The following RAI1 variants were observed in gnomAD, a reference collection of about 807,000 sequenced individuals.
RAI1 encodes retinoic acid-induced protein 1.
RAI1 carries 9 observed loss-of-function variants against 123.8 expected under a neutral mutation model. That is an observed-to-expected ratio of 0.07 (90% CI 0.04 to 0.13). The LOEUF (loss-of-function observed/expected upper bound fraction) is 0.13, where lower values mean the gene tolerates loss of function less well. RAI1 is among the 10% of genes least tolerant of loss of function. The pLI is 1.00. For synonymous variants in RAI1, 1,231 were observed against 1,127.3 expected (o/e 1.09, Z -1.84); for missense variants, 2,256 against 2,545.8 (o/e 0.89, Z 2.45).
chr17:17,721,534 A>G (rs1915880604), intron 1 of RAI1, among the ~76,000 whole-genome samples: 1 of 152,128 alleles, frequency 6.6e-6, no homozygotes, highest in South Asian at 2.1e-4. Flanking sequence ...ACAGGCTGGG[A>G]CTGAGGGCAG....
chr17:17,783,095 G>A (rs2031665843), intron 2 of RAI1, among the ~76,000 whole-genome samples: 1 of 130,448 alleles, frequency 7.7e-6, no homozygotes, highest in South Asian at 2.7e-4. Context: ...CGCGGTCCCC[G>A]CGCAGGCGAG....
chr17:17,804,393 C>T (rs2032556799), intron 4 of RAI1, among the ~76,000 whole-genome samples: 1 of 152,196 alleles, frequency 6.6e-6, no homozygotes, highest in South Asian at 2.1e-4. Context: ...GGTCCTTCCT[C>T]TCACTCATGT....
At chr17:17,709,921 C>T (rs991691146) in intron 1 of RAI1, among the ~76,000 whole-genome samples, 15 of 152,200 alleles carry the variant, frequency 9.9e-5, no homozygotes, top group African/African-American at 2.2e-4. Flanking sequence ...GACAGGCGTG[C>T]GCACATTCCT....
chr17:17,785,743 C>CTCGCCT (rs1258783013), intron 2 of RAI1, among the ~76,000 whole-genome samples: 3 of 152,166 alleles, frequency 2.0e-5, no homozygotes, highest in Non-Finnish European at 2.9e-5. Context: ...GCCCAGGGCA[C>CTCGCCT]TCGCCTTTCT....
intron 2 of RAI1, 84 bp downstream of exon 2, chr17:17,724,243 G>T (rs1436945262): frequency 1.3e-5 from 2 of 151,264 alleles, no homozygotes; most frequent in Non-Finnish European, 3.0e-5. Context: ...GCCGCCGCGC[G>T]CAGACCTGCC....
intron 1 of RAI1, among the ~76,000 whole-genome samples, chr17:17,709,670 G>T (rs577732231): frequency 4.6e-5 from 7 of 152,356 alleles, no homozygotes; most frequent in South Asian, 2.1e-4. Flanking sequence ...CCAAGGAGCT[G>T]CTGGGCCTCG....
At chr17:17,695,532 T>TC (rs66725320) in intron 1 of RAI1, among the ~76,000 whole-genome samples, 62 of 50,684 alleles carry the variant, frequency 1.2e-3, no homozygotes, top group Admixed American at 3.0e-3. Context: ...TCTCTCTCTC[T>TC]TTTTTTTTTT....
At chr17:17,739,537 G>A (rs1180248682) in intron 2 of RAI1, among the ~76,000 whole-genome samples, 1 of 152,236 alleles carries the variant, frequency 6.6e-6, no homozygotes, top group African/African-American at 2.4e-5. Flanking sequence ...TAAGGCCTGG[G>A]ATGCCTGCTG....
chr17:17,810,317 G>A lies in RAI1; in HGVS notation c.*336G>A. 2.4e-6 allele frequency: 1 copy of A among 423,852 alleles called. No homozygotes were observed. The highest frequency in any genetic ancestry group is 3.7e-5 in the South Asian group (1 of 26,862). 26.3% of individuals were successfully genotyped at this position (423,852 alleles called of 1,614,324 possible). A position where few individuals can be genotyped will look rare whatever the true frequency, so the allele number is the denominator to read the frequency against. On this transcript the variant is annotated 3_prime_UTR_variant, in exon 6 of 6. Coordinates refer to ENST00000353383, the MANE Select transcript of RAI1 (RefSeq NM_030665.4). The surrounding 1 kb of genome is among the most constrained non-coding windows in gnomAD (Gnocchi z 4.6). Reference sequence around the variant, plus strand: ...TCAGCCTCCGGCGAGGGTGGGAGACGGCTTTGTCCTGGGGACACTTTCCCT... The same window carrying A: ...TCAGCCTCCGGCGAGGGTGGGAGACAGCTTTGTCCTGGGGACACTTTCCCT...
chr17:17,767,916 C>T (rs1290839762), intron 2 of RAI1, among the ~76,000 whole-genome samples: 1 of 152,156 alleles, frequency 6.6e-6, no homozygotes, highest in Non-Finnish European at 1.5e-5. Context: ...GGGCTCACTC[C>T]AGCCTTGAGC....
At chr17:17,778,446 TTA>T (rs1191381300) in intron 2 of RAI1, 2 of 293,184 alleles carry the variant, frequency 6.8e-6, no homozygotes, top group Non-Finnish European at 1.4e-5. Context: ...GCTGTTTAAT[TTA>T]GAGTATCTTG....
At chr17:17,807,257 G>C (rs1567939447) in intron 4 of RAI1, among the ~76,000 whole-genome samples, 1 of 149,944 alleles carries the variant, frequency 6.7e-6, no homozygotes, top group South Asian at 2.1e-4. Flanking sequence ...GGTGGGGGGG[G>C]CGGGGGGGTG....
intron 2 of RAI1, among the ~76,000 whole-genome samples, chr17:17,726,499 G>A (rs1426957263): frequency 2.6e-5 from 4 of 152,200 alleles, no homozygotes; most frequent in East Asian, 1.9e-4. Context: ...CCCAGACCTC[G>A]AGTTTCCGTT....
rs2143001636 is a variant in RAI1, at chr17:17,793,542, C to T, written c.594C>T (p.Ala198=). 6.2e-7 allele frequency: 1 copy of T among 1,614,014 alleles called. No individual in the cohort carries two copies. Residue 198 remains alanine, a synonymous_variant, in exon 3 of 6, where the codon GCC becomes GCT. Transcript: ENST00000353383. ...GGCAGAAGCTGCAGAACGACATTGC[C>T]TCCCCTCTGCCCTTCCCCCAGGGTA... The part of the protein sequence containing the change: ...LQRQKLQNDI[A]SPLPFPQGTH...
intron 1 of RAI1, among the ~76,000 whole-genome samples, chr17:17,700,605 C>T (rs1915188405): frequency 6.6e-6 from 1 of 152,166 alleles, no homozygotes; most frequent in Admixed American, 6.5e-5. Context: ...CCTTAATTAC[C>T]TGGAAAACGA....
chr17:17,783,297 G>A (rs1330121836), intron 2 of RAI1, among the ~76,000 whole-genome samples: 5 of 152,028 alleles, frequency 3.3e-5, no homozygotes, highest in Non-Finnish European at 7.4e-5. Context: ...GCGCGCTGCC[G>A]GCAGAGCCCG....
intron 1 of RAI1, among the ~76,000 whole-genome samples, chr17:17,686,884 CT>C (rs1914661168): frequency 6.6e-6 from 1 of 152,120 alleles, no homozygotes; most frequent in South Asian, 2.1e-4. Flanking sequence ...TAAGTGTTCT[CT>C]TGCTTGGCTC....
At chr17:17,707,810 T>C (rs9899445) in intron 1 of RAI1, among the ~76,000 whole-genome samples, 50,065 of 152,074 alleles carry the variant, frequency 0.33, 9,174 homozygotes, top group Middle Eastern at 0.45. Flanking sequence ...CCCAGGCTGG[T>C]CTCAAACTCC....
At position 17,692,215 on chromosome 17, in the gene RAI1, T is replaced by G. The variant is rs565177640; in HGVS notation, c.-149+10422T>G. Among the ~76,000 whole-genome samples the G allele has an allele frequency of 3.3e-5, 5 of 152,324 alleles. No homozygotes were observed. In the East Asian group the frequency reaches 9.7e-4, roughly 29 times the overall value. ...AGGACAGGAGCCTGGGGAGCTGAAC[T>G]TGACAGCCCTTGGCCTCTGCCTGAG... On this transcript the variant is annotated intron_variant, in intron 1 of 5. Coordinates refer to ENST00000353383, the MANE Select transcript of RAI1 (RefSeq NM_030665.4).
Sources: allele counts gnomAD v4.1 joint callset (sites outside exome capture counted in the v4.1 genomes callset), GRCh38; gene constraint gnomAD v4.1.1; non-coding constraint Gnocchi (gnomAD v3.1); transcripts MANE v1.5; gene names NCBI Gene and HGNC (gene_info 2026-07-23, HGNC 2026-07-21).